Variants in WDPCP observed in about 807,000 individuals in gnomAD.
The protein encoded by WDPCP is WD repeat containing planar cell polarity effector.
WDPCP carries 71 observed loss-of-function variants against 93.1 expected under a neutral mutation model. That is an observed-to-expected ratio of 0.76 (90% CI 0.63 to 0.93). WDPCP has a LOEUF of 0.93. Ranked by LOEUF, WDPCP falls within the 40% of genes least tolerant of loss-of-function variation. WDPCP has a pLI of 0.00. For synonymous variants in WDPCP, 315 were observed against 315.0 expected, an observed-to-expected ratio of 1.00 and a Z score of 0.00; for missense variants, 844 against 887.4, an observed-to-expected ratio of 0.95 and a Z score of 0.62.
chr2:63,245,008 C>G (rs1680162283), intron 14 of WDPCP, among the ~76,000 whole-genome samples: 2 of 152,140 alleles, frequency 1.3e-5, no homozygotes, highest in South Asian at 4.2e-4. Flanking sequence ...TTTTTGAGTG[C>G]CAATATTGAT....
chr2:63,737,170 T>C (rs1008154483), intron 2 of WDPCP, among the ~76,000 whole-genome samples: 4 of 152,286 alleles, frequency 2.6e-5, no homozygotes, highest in East Asian at 1.9e-4. Context: ...CTTCAAGCCA[T>C]GTCCCACTGC....
At chr2:63,335,926 C>A (rs1465787413) in intron 12 of WDPCP, among the ~76,000 whole-genome samples, 1 of 152,112 alleles carries the variant, frequency 6.6e-6, no homozygotes, top group Non-Finnish European at 1.5e-5. Flanking sequence ...CGAGAGCGAC[C>A]TCTGGTCATC....
At chr2:63,235,598 G>A (rs187399725) in intron 14 of WDPCP, among the ~76,000 whole-genome samples, 54 of 151,934 alleles carry the variant, frequency 3.6e-4, no homozygotes, top group Middle Eastern at 3.4e-3. Context: ...AAAAATCCTC[G>A]ACAAAATTCT....
At chr2:63,259,867 T>G (rs1681477763) in intron 13 of WDPCP, among the ~76,000 whole-genome samples, 2 of 152,240 alleles carry the variant, frequency 1.3e-5, no homozygotes. Flanking sequence ...AAATAATTAG[T>G]ACTGACTAAT....
intron 1 of WDPCP, among the ~76,000 whole-genome samples, chr2:63,572,907 A>G (rs1707637185): frequency 6.6e-6 from 1 of 151,792 alleles, no homozygotes; most frequent in African/African-American, 2.4e-5. Context: ...TTTAAAACAC[A>G]TAAGGCAAGA....
intron 14 of WDPCP, among the ~76,000 whole-genome samples, chr2:63,236,986 A>T (rs1186203378): frequency 6.6e-6 from 1 of 152,146 alleles, no homozygotes; most frequent in Non-Finnish European, 1.5e-5. Context: ...AAATATCGGG[A>T]CCTGCTTAAA....
rs147669906 is a variant in WDPCP at position 63,561,087 on chromosome 2, T to C, written c.75+27110A>G. On this transcript the variant is annotated intron_variant, in intron 1 of 17. Coordinates refer to ENST00000272321, the MANE Select transcript of WDPCP (RefSeq NM_015910.7). ...TTTCACTCAAGATGAATTAAAAACT[T>C]AAATGTAAAACCCAAAACTACAGAA... Among the ~76,000 whole-genome samples the C allele has an allele frequency of 1.8e-4, 28 of 152,266 alleles. No individual in the cohort carries two copies. In the East Asian group the frequency reaches 5.2e-3, roughly 28 times the overall value.
At chr2:63,149,148 A>G (rs1444872543) in intron 17 of WDPCP, among the ~76,000 whole-genome samples, 2 of 152,184 alleles carry the variant, frequency 1.3e-5, no homozygotes, top group African/African-American at 2.4e-5. Context: ...TAAAATATAT[A>G]AAGACTACTA....
At chr2:63,719,119 G>A (rs1455508471) in intron 2 of WDPCP, among the ~76,000 whole-genome samples, 7 of 152,202 alleles carry the variant, frequency 4.6e-5, no homozygotes, top group Non-Finnish European at 2.9e-5. Context: ...GAGGTGTATA[G>A]GTTGAAGGAA....
intron 9 of WDPCP, among the ~76,000 whole-genome samples, chr2:63,413,881 GCAGAGTAAA>G (rs1695208870): frequency 6.6e-6 from 1 of 152,068 alleles, no homozygotes; most frequent in Non-Finnish European, 1.5e-5. Flanking sequence ...GGAACAGTCA[GCAGAGTAAA>G]CAGACAACCC....
At chr2:63,473,967 T>G (rs1030828346) in intron 6 of WDPCP, among the ~76,000 whole-genome samples, 1 of 152,144 alleles carries the variant, frequency 6.6e-6, no homozygotes, top group African/African-American at 2.4e-5. Flanking sequence ...ACTTACTAGT[T>G]GTGTAATTAA....
chr2:63,639,799 A>C (rs1288532792), intron 3 of WDPCP, among the ~76,000 whole-genome samples: 1 of 152,254 alleles, frequency 6.6e-6, no homozygotes, highest in African/African-American at 2.4e-5. Context: ...AAATAGTGAC[A>C]AAACCAGATG....
chr2:63,832,017 C>T (rs1301650150), upstream of WDPCP, among the ~76,000 whole-genome samples: 2 of 152,214 alleles, frequency 1.3e-5, no homozygotes, highest in Non-Finnish European at 2.9e-5. Flanking sequence ...TTTGAGACTA[C>T]AATTATGGTA....
At chr2:63,200,312 C>G (rs1214184748) in intron 14 of WDPCP, among the ~76,000 whole-genome samples, 2 of 152,136 alleles carry the variant, frequency 1.3e-5, no homozygotes, top group African/African-American at 4.8e-5. Flanking sequence ...ATAGAGCTAC[C>G]ATATGATTCA....
intron 6 of WDPCP, among the ~76,000 whole-genome samples, chr2:63,475,987 T>C (rs1483321199): frequency 6.6e-6 from 1 of 152,134 alleles, no homozygotes; most frequent in East Asian, 1.9e-4. Context: ...AATAATATCA[T>C]CATTTGATTA....
At chr2:63,622,244 T>C in intron 3 of WDPCP, 1 of 1,611,424 alleles carries the variant, frequency 6.2e-7, no homozygotes, top group South Asian at 1.1e-5. Context: ...TGGCCTTCTC[T>C]GTAGCTGCCA....
chr2:63,140,702 G>C (rs1437656146), intron 17 of WDPCP, among the ~76,000 whole-genome samples: 1 of 152,086 alleles, frequency 6.6e-6, no homozygotes, highest in Non-Finnish European at 1.5e-5. Context: ...TCAGTTCTAG[G>C]AGCTTTCTGG....
At chr2:63,377,788 T>A (rs1394230577) in intron 12 of WDPCP, 1 of 54,748 alleles carries the variant, frequency 1.8e-5, no homozygotes, top group Non-Finnish European at 2.8e-5. Flanking sequence ...CTTTCTGAAC[T>A]TCATGTATAT....
chr2:63,796,617 G>A (rs192271218), intron 2 of WDPCP, among the ~76,000 whole-genome samples: 1 of 152,342 alleles, frequency 6.6e-6, no homozygotes, highest in East Asian at 1.9e-4. Flanking sequence ...CTGTCATAGT[G>A]GAAAGCAACA....
Sources: gnomAD v4.1 joint callset for allele counts (sites outside exome capture counted in the v4.1 genomes callset) on GRCh38, gnomAD v4.1.1 for gene constraint, MANE v1.5 for transcripts, NCBI Gene and HGNC (gene_info 2026-07-23, HGNC 2026-07-21) for gene names.